The following ARSG variants were observed in gnomAD, a reference collection of about 807,000 sequenced individuals.
ARSG encodes arylsulfatase G.
A neutral mutation model predicts 50.5 loss-of-function variants in ARSG; 37 were observed. The observed-to-expected ratio is 0.73, with a 90% CI of 0.56 to 0.96. ARSG has a LOEUF of 0.96. Ranked by LOEUF, ARSG falls within the 50% of genes least tolerant of loss-of-function variation. ARSG has a pLI of 0.00. For synonymous variants in ARSG, 225 were observed against 254.6 expected (o/e 0.88, Z 1.11); for missense variants, 629 against 675.3 (o/e 0.93, Z 0.76).
the ARSG span, chr17:68,434,611 C>T: frequency 3.1e-6 from 5 of 1,613,918 alleles, no homozygotes; most frequent in Middle Eastern, 1.6e-4. Context: ...ACAGAGAACA[C>T]CCGGATGACT....
chr17:68,389,858 C>T (rs959655701), intron 9 of ARSG, among the ~76,000 whole-genome samples: 2 of 152,148 alleles, frequency 1.3e-5, no homozygotes, highest in Non-Finnish European at 2.9e-5. Flanking sequence ...CACCTCAGTT[C>T]CCATACTATG....
intron 11 of ARSG, among the ~76,000 whole-genome samples, chr17:68,404,161 A>G (rs2081603164): frequency 6.6e-6 from 1 of 152,196 alleles, no homozygotes; most frequent in African/African-American, 2.4e-5. Context: ...TAGTGCCGCA[A>G]TAAACATACG....
the ARSG span, chr17:68,435,564 A>C: frequency 1.9e-6 from 3 of 1,547,530 alleles, no homozygotes; most frequent in Admixed American, 1.7e-5. Context: ...ATCCCTGCGC[A>C]CGGCAGGAGC....
chr17:68,397,495 A>C (rs183213672), intron 10 of ARSG, among the ~76,000 whole-genome samples: 76 of 152,228 alleles, frequency 5.0e-4, no homozygotes, highest in African/African-American at 1.6e-3. Context: ...GCTGGACCTG[A>C]ATTTGGGTTT....
chr17:68,426,759 C>G (rs546488392), downstream of ARSG, among the ~76,000 whole-genome samples: 1 of 152,176 alleles, frequency 6.6e-6, no homozygotes, highest in African/African-American at 2.4e-5. Flanking sequence ...GGTCTCAAAC[C>G]CCTGGCCTCC....
At chr17:68,428,080 T>C in the ARSG span, among the ~76,000 whole-genome samples, 5 of 152,056 alleles carry the variant, frequency 3.3e-5, no homozygotes, top group Admixed American at 2.0e-4. Context: ...TTTCTTTTTG[T>C]AAGGATGGGG....
chr17:68,430,013 G>A, the ARSG span: 1 of 1,614,178 alleles, frequency 6.2e-7, no homozygotes, highest in East Asian at 2.2e-5. Flanking sequence ...GGGTACAGAT[G>A]TTCCTCTGTC....
chr17:68,398,461 CAT>C (rs1394516992), intron 10 of ARSG, among the ~76,000 whole-genome samples: 5 of 152,324 alleles, frequency 3.3e-5, no homozygotes, highest in African/African-American at 4.8e-5. Flanking sequence ...ATGTCTGTAA[CAT>C]ATGCATACAT....
the ARSG span, among the ~76,000 whole-genome samples, chr17:68,429,246 CAT>C: frequency 6.6e-6 from 1 of 152,318 alleles, no homozygotes; most frequent in South Asian, 2.1e-4. Flanking sequence ...CTCCCTCTGA[CAT>C]GTGTCTCTGC....
At chr17:68,262,533 T>C (rs7216182) in intron 1 of ARSG, among the ~76,000 whole-genome samples, 101,461 of 151,036 alleles carry the variant, frequency 0.67, 36,126 homozygotes, top group African/African-American at 0.91. Flanking sequence ...AAAGTAATAG[T>C]ATCCATCAGG....
intron 2 of ARSG, among the ~76,000 whole-genome samples, chr17:68,319,183 TG>T: frequency 6.6e-6 from 1 of 152,276 alleles, no homozygotes; most frequent in East Asian, 1.9e-4. Context: ...CCTTTTCAGC[TG>T]TATTCCTAAC....
chr17:68,267,953 C>G (rs147753750), intron 1 of ARSG: 77 of 152,246 alleles, frequency 5.1e-4, no homozygotes, highest in African/African-American at 1.7e-3. Flanking sequence ...ATCAGAAATG[C>G]TTTAACAATT....
At chr17:68,314,751 A>G (rs1555767931) in intron 2 of ARSG, among the ~76,000 whole-genome samples, 1 of 152,214 alleles carries the variant, frequency 6.6e-6, no homozygotes, top group Admixed American at 6.5e-5. Flanking sequence ...CAGTTAGCAT[A>G]GAGCCTAGCA....
rs559414711 is a variant in ARSG at position 68,298,582 on chromosome 17, G to A, written c.-552+7014G>A. On this transcript the variant is annotated intron_variant, in intron 1 of 11. Coordinates refer to ENST00000621439, the MANE Select transcript of ARSG (RefSeq NM_001267727.2). ...TGCCCTCCAGCCTGGGTGACAGAGC[G>A]GGATCCTGTCTCAAAAAAAAAAAAA... is the stretch of plus-strand genomic sequence containing the variant. Among the ~76,000 whole-genome samples, 141 of 143,644 alleles carry A rather than the reference G, an allele frequency of 9.8e-4. 1 individual carries two copies. The highest frequency in any genetic ancestry group is 1.6e-3 in the Non-Finnish European group (103 of 66,120). 94.2% of individuals were successfully genotyped at this position (143,644 alleles called of 152,430 possible). A position where few individuals can be genotyped will look rare whatever the true frequency, so the allele number is the denominator to read the frequency against.
chr17:68,435,015 AAC>A, the ARSG span, among the ~76,000 whole-genome samples: 1 of 152,126 alleles, frequency 6.6e-6, no homozygotes, highest in Non-Finnish European at 1.5e-5. Flanking sequence ...CAGCCTGGGC[AAC>A]ACAGTGAAGT....
rs763186268 is a variant in ARSG, at chr17:68,399,236, G to A, written c.1213-2124G>A. Among the ~76,000 whole-genome samples the A allele has an allele frequency of 6.6e-6, 1 of 152,108 alleles. No homozygotes were observed. Among genetic ancestry groups the A allele is most frequent in the Non-Finnish European group, 1.5e-5 (1 of 68,016 alleles). The stretch of plus-strand genomic sequence containing the variant: ...TTCTCTTAGGGAGGCCCCTAGTGGC[G>A]AGAGATGTCATCTGGCGTGGCTGGC... On this transcript the variant is annotated intron_variant, in intron 10 of 11. Transcript: ENST00000621439. This position sits in a 1 kb window ranked among gnomAD's most constrained non-coding sequence, Gnocchi z 4.6.
At chr17:68,404,721 C>A (rs895934928) in intron 11 of ARSG, among the ~76,000 whole-genome samples, 1 of 152,124 alleles carries the variant, frequency 6.6e-6, no homozygotes, top group Non-Finnish European at 1.5e-5. Flanking sequence ...AGTATTATTT[C>A]TTTCATGTTT....
At chr17:68,343,540 G>T in intron 2 of ARSG, 64 bp from the exon 3 acceptor site, 2 of 1,440,460 alleles carry the variant, frequency 1.4e-6, no homozygotes, top group Non-Finnish European at 1.9e-6. Context: ...AGTGGGCACT[G>T]CCTTTTCTTT....
rs2075351108 is a variant in ARSG at position 68,271,871 on chromosome 17, C to T, written c.-552+12445C>T. On this transcript the variant is annotated intron_variant, in intron 1 of 11. Transcript: ENST00000448504. This position sits in a 1 kb window ranked among gnomAD's most constrained non-coding sequence, Gnocchi z 5.3. ...AGGCTGGAGTGCAGTGGCCTGATCT[C>T]AGCTCACCGCAACCTCCACCTCCCG... is the stretch of plus-strand genomic sequence containing the variant. Among the ~76,000 whole-genome samples the T allele has an allele frequency of 6.6e-6, 1 of 152,166 alleles. No individual in the cohort carries two copies. The highest frequency in any genetic ancestry group is 2.4e-5 in the African/African-American group (1 of 41,418).
Sources: allele counts gnomAD v4.1 joint callset (sites outside exome capture counted in the v4.1 genomes callset), GRCh38; gene constraint gnomAD v4.1.1; non-coding constraint Gnocchi (gnomAD v3.1); transcripts MANE v1.5; gene names NCBI Gene and HGNC (gene_info 2026-07-23, HGNC 2026-07-21).